Variants in HIRA observed in about 807,000 individuals in gnomAD.
HIRA encodes the protein histone cell cycle regulator.
Under a neutral mutation model 126.6 loss-of-function variants are expected in HIRA, and 13 were observed. The observed-to-expected ratio is 0.10, with a 90% CI of 0.07 to 0.16. HIRA has a LOEUF of 0.16. HIRA is among the 10% of genes least tolerant of loss of function. The pLI, the probability that HIRA is intolerant of heterozygous loss-of-function variation, is 1.00. For synonymous variants in HIRA, 511 were observed against 520.0 expected, an observed-to-expected ratio of 0.98 and a Z score of 0.24; for missense variants, 834 against 1,314.4, an observed-to-expected ratio of 0.63 and a Z score of 5.65.
At chr22:19,410,355 T>C (rs1030578295) in intron 2 of HIRA, among the ~76,000 whole-genome samples, 15 of 152,226 alleles carry the variant, frequency 9.9e-5, no homozygotes, top group African/African-American at 3.1e-4. Context: ...TCATTCCCTT[T>C]TTTCAGATGA....
chr22:19,422,544 CA>C (rs1320868617), intron 1 of HIRA, among the ~76,000 whole-genome samples: 1 of 152,146 alleles, frequency 6.6e-6, no homozygotes, highest in Non-Finnish European at 1.5e-5. Context: ...TAGGCTCTCC[CA>C]ATCAGTCTGC....
intron 15 of HIRA, among the ~76,000 whole-genome samples, chr22:19,368,443 A>T (rs914355635): frequency 6.7e-6 from 1 of 150,226 alleles, no homozygotes; most frequent in Non-Finnish European, 1.5e-5. Flanking sequence ...TTTTTTTTTT[A>T]AATGTCAGAC....
chr22:19,396,323 C>A (rs1400876787), intron 7 of HIRA, among the ~76,000 whole-genome samples: 1 of 152,180 alleles, frequency 6.6e-6, no homozygotes, highest in Non-Finnish European at 1.5e-5. Context: ...CGAGACCAGC[C>A]TGGCCAACAT....
At position 19,390,601 on chromosome 22, in the gene HIRA, C is replaced by CAAAAAAAAAAAAAAAA. The variant is rs575050947; in HGVS notation, c.936+1484_936+1499dup. On this transcript the variant is annotated intron_variant, in intron 9 of 24. Coordinates refer to ENST00000263208, the MANE Select transcript of HIRA (RefSeq NM_003325.4). ...TGGGCAATAGAGGGAGACTCTGTCT[C>CAAAAAAAAAAAAAAAA]AAAAAAAAAAAAAAAAAAAAAAAAA... is the stretch of plus-strand genomic sequence containing the variant. Among the ~76,000 whole-genome samples the CAAAAAAAAAAAAAAAA allele has an allele frequency of 4.6e-3, 177 of 38,330 alleles. 24 individuals carry two copies. The highest frequency in any genetic ancestry group is 9.1e-3 in the East Asian group (11 of 1,208). 25.1% of individuals were successfully genotyped at this position (38,330 alleles called of 152,430 possible). A position where few individuals can be genotyped will look rare whatever the true frequency, so the allele number is the denominator to read the frequency against.
At chr22:19,375,128 G>T (rs2089005837) in intron 15 of HIRA, among the ~76,000 whole-genome samples, 1 of 152,230 alleles carries the variant, frequency 6.6e-6, no homozygotes, top group East Asian at 1.9e-4. Flanking sequence ...GAGACCCAGA[G>T]AATGGATAAG....
At chr22:19,390,844 T>C (rs1430640551) in intron 9 of HIRA, among the ~76,000 whole-genome samples, 1 of 152,098 alleles carries the variant, frequency 6.6e-6, no homozygotes, top group Admixed American at 6.5e-5. Context: ...TGGTAGAAAC[T>C]GCCAGACAGT....
intron 17 of HIRA, among the ~76,000 whole-genome samples, chr22:19,360,526 TG>T (rs1234146466): frequency 6.6e-6 from 1 of 152,102 alleles, no homozygotes; most frequent in Non-Finnish European, 1.5e-5. Flanking sequence ...TGGTGCCCTG[TG>T]AGGACCAACC....
chr22:19,378,961 G>C (rs1193934801), intron 13 of HIRA, among the ~76,000 whole-genome samples: 1 of 152,034 alleles, frequency 6.6e-6, no homozygotes, highest in African/African-American at 2.4e-5. Context: ...CAAATTTCTT[G>C]ACACTTAACA....
intron 13 of HIRA, among the ~76,000 whole-genome samples, chr22:19,383,041 G>C (rs1286507115): frequency 6.6e-6 from 1 of 152,054 alleles, no homozygotes; most frequent in Non-Finnish European, 1.5e-5. Flanking sequence ...TCTACAGTGA[G>C]CTGGCTAAGC....
chr22:19,349,848 C>G (rs1281461831), intron 24 of HIRA, among the ~76,000 whole-genome samples: 1 of 152,174 alleles, frequency 6.6e-6, no homozygotes, highest in Admixed American at 6.5e-5. Context: ...TTGGGCTGTT[C>G]CTTTTAAACT....
Position 19,355,811 on chromosome 22 carries a change from A to G in HIRA, c.2510T>C (p.Met837Thr). ...GTACGCCTTCCCATCGGACAGGTTC[A>G]TTACTGGGATTCCATGCTGCGTCAG... ...ILLTQHGIPV[M>T]NLSDGKAYCF... Residue 837 changes from methionine to threonine, a missense_variant, in exon 21 of 25, where the codon ATG (methionine) becomes ACG (threonine). By Grantham distance (81) the Met-to-Thr change is moderately conservative. Coordinates refer to ENST00000263208, the MANE Select transcript of HIRA (RefSeq NM_003325.4). 6.2e-7 allele frequency: 1 copy of G among 1,614,158 alleles called. No homozygotes were observed. Among genetic ancestry groups the G allele is most frequent in the Non-Finnish European group, 8.5e-7 (1 of 1,179,996 alleles).
Position 19,394,503 on chromosome 22 carries a change from C to T in HIRA, c.661G>A (p.Gly221Arg). The T allele has an allele frequency of 6.2e-7, 1 of 1,613,948 alleles. No individual in the cohort carries two copies. Among genetic ancestry groups the T allele is most frequent in the Non-Finnish European group, 8.5e-7 (1 of 1,179,920 alleles). ...SITKPFDECG[G>R]TTHVLRLSWS... is the part of the protein sequence containing the mutation. ...CTGAGCCGCAACACATGGGTCGTTC[C>T]TCCACACTGAAAGAAGCATCTGCAC... Residue 221 changes from glycine to arginine, a missense_variant, in exon 8 of 25, where the codon GGA becomes AGA. Coordinates refer to ENST00000263208, the MANE Select transcript of HIRA (RefSeq NM_003325.4).
chr22:19,332,756 C>A, intron 24 of HIRA, among the ~76,000 whole-genome samples: 1 of 145,550 alleles, frequency 6.9e-6, no homozygotes. Flanking sequence ...AAGACTCCAA[C>A]CTAAAGCCAT....
chr22:19,363,038 G>A (rs184201235), intron 15 of HIRA, among the ~76,000 whole-genome samples: 9 of 151,070 alleles, frequency 6.0e-5, no homozygotes, highest in African/African-American at 1.5e-4. Context: ...GATTGAGACC[G>A]TCCTGGCCAA....
At chr22:19,353,675 T>A (rs1304355235) in intron 22 of HIRA, among the ~76,000 whole-genome samples, 156 bp from the exon 23 acceptor site, 5 of 152,176 alleles carry the variant, frequency 3.3e-5, no homozygotes, top group African/African-American at 1.2e-4. Flanking sequence ...AGATGCCAGA[T>A]CTGTTGTCTG....
chr22:19,361,576 G>T, intron 16 of HIRA, 151 bp downstream of exon 16: 1 of 814,712 alleles, frequency 1.2e-6, no homozygotes. Flanking sequence ...GGAGAGCGTG[G>T]CCTCCATGCT....
chr22:19,351,476 C>A lies in HIRA; in HGVS notation c.2849-30G>T, dbSNP rs1199521193. ...TTACAGAAAAACAAACAAACAACAACAACAAAAAACAAAACAGAAATAGGA... is the reference window on the plus strand; with the variant it reads ...TTACAGAAAAACAAACAAACAACAAAAACAAAAAACAAAACAGAAATAGGA... On this transcript the variant is annotated intron_variant, in intron 23 of 24. Transcript: ENST00000263208. The surrounding 1 kb of genome is among the most constrained non-coding windows in gnomAD (Gnocchi z 4.8). 1 of 1,481,446 alleles carries A rather than the reference C, an allele frequency of 6.8e-7. No individual in the cohort carries two copies. The allele number at this position is 1,481,446 out of a possible 1,614,324, so 91.8% of individuals were successfully genotyped here. A position where few individuals can be genotyped will look rare whatever the true frequency, so the allele number is the denominator to read the frequency against.
chr22:19,339,802 C>T (rs2088607021), intron 24 of HIRA, among the ~76,000 whole-genome samples: 2 of 152,062 alleles, frequency 1.3e-5, no homozygotes, highest in African/African-American at 2.4e-5. Flanking sequence ...AAATATATAA[C>T]CCTCCTAGAT....
Position 19,330,955 on chromosome 22 carries a change from A to G in HIRA, c.*485T>C. 1 of 255,744 alleles carries G rather than the reference A, an allele frequency of 3.9e-6. No homozygotes were observed. Among genetic ancestry groups the G allele is most frequent in the South Asian group, 5.1e-5 (1 of 19,446 alleles). 15.8% of individuals were successfully genotyped at this position (255,744 alleles called of 1,614,324 possible). On this transcript the variant is annotated 3_prime_UTR_variant, in exon 25 of 25. Transcript: ENST00000263208. ...CGGCCAAAGGAAATTCAATATTACA[A>G]GTTAGCAAATTCTAGTACAAAAATA...
Sources: gnomAD v4.1 joint callset for allele counts (sites outside exome capture counted in the v4.1 genomes callset) on GRCh38, gnomAD v4.1.1 for gene constraint, Gnocchi (gnomAD v3.1) non-coding constraint, MANE v1.5 for transcripts, NCBI Gene and HGNC (gene_info 2026-07-23, HGNC 2026-07-21) for gene names.